The following COL5A2 variants were observed in gnomAD, a reference collection of about 807,000 sequenced individuals.
The protein encoded by COL5A2 is collagen type V alpha 2 chain.
A neutral mutation model predicts 208.2 loss-of-function variants in COL5A2; 23 were observed. The observed-to-expected ratio is 0.11, with a 90% CI of 0.08 to 0.16. The LOEUF is 0.16. Among genes scored for constraint, COL5A2 ranks in the 10% least tolerant of loss-of-function variants. The pLI is 1.00. For missense variants in COL5A2, 1,590 were observed against 1,956.4 expected, an observed-to-expected ratio of 0.81 and a Z score of 3.53; for synonymous variants, 625 against 628.5, an observed-to-expected ratio of 0.99 and a Z score of 0.08.
At position 189,081,054 on chromosome 2, in the gene COL5A2, A is replaced by C; in HGVS notation, c.853-11T>G. The C allele has an allele frequency of 6.2e-7, 1 of 1,612,572 alleles. No individual in the cohort carries two copies. Among genetic ancestry groups the C allele is most frequent in the Non-Finnish European group, 8.5e-7 (1 of 1,178,726 alleles). On this transcript the variant is annotated splice_polypyrimidine_tract_variant and intron_variant, in intron 12 of 53. Coordinates refer to ENST00000374866, the MANE Select transcript of COL5A2 (RefSeq NM_000393.5). ...AAATCCACGAGCTCCCTGGGAGGAA[A>C]ACATAGATAGGGCATTTTACAGTCA...
At chr2:189,300,589 G>A in the COL5A2 span, among the ~76,000 whole-genome samples, 185 of 152,346 alleles carry the variant, frequency 1.2e-3, 3 homozygotes, top group South Asian at 0.037. Context: ...ATCTTCCTGA[G>A]GGAGGAGAAA....
chr2:189,178,602 T>C (rs1688722427), intron 1 of COL5A2, among the ~76,000 whole-genome samples: 1 of 151,340 alleles, frequency 6.6e-6, no homozygotes, highest in Admixed American at 6.6e-5. Flanking sequence ...TATTTTCTTA[T>C]ATACTACAAC....
chr2:189,082,905 C>A (rs563625948), intron 12 of COL5A2, among the ~76,000 whole-genome samples: 1 of 152,198 alleles, frequency 6.6e-6, no homozygotes, highest in African/African-American at 2.4e-5. Flanking sequence ...CCAGGCTGAT[C>A]GAGGAGGAAA....
chr2:189,297,972 T>G, the COL5A2 span, among the ~76,000 whole-genome samples: 2 of 152,204 alleles, frequency 1.3e-5, no homozygotes, highest in Non-Finnish European at 2.9e-5. Context: ...TAGTAACTTT[T>G]GGTTATTAAA....
the COL5A2 span, among the ~76,000 whole-genome samples, chr2:189,404,162 G>A: frequency 2.0e-5 from 3 of 152,298 alleles, no homozygotes; most frequent in East Asian, 5.8e-4. Context: ...CTGAGCTAAG[G>A]AATGCCCAGA....
chr2:189,301,119 A>G, the COL5A2 span, among the ~76,000 whole-genome samples: 5 of 152,020 alleles, frequency 3.3e-5, no homozygotes, highest in Admixed American at 2.6e-4. Flanking sequence ...CCCAGGAAGT[A>G]GAGGCTGCAG....
At chr2:189,369,299 A>G in the COL5A2 span, among the ~76,000 whole-genome samples, 4 of 152,176 alleles carry the variant, frequency 2.6e-5, no homozygotes, top group Admixed American at 2.0e-4. Context: ...CCCTCCAACA[A>G]TCTTAAAGTA....
At chr2:189,227,182 A>G (rs911707069), upstream of COL5A2, among the ~76,000 whole-genome samples, 5 of 152,092 alleles carry the variant, frequency 3.3e-5, no homozygotes, top group African/African-American at 9.7e-5. Flanking sequence ...ATATCCAGAC[A>G]CCAACACAAA....
At chr2:189,041,787 T>G in intron 49 of COL5A2, 94 bp from the exon 50 acceptor site, 1 of 747,844 alleles carries the variant, frequency 1.3e-6, no homozygotes, top group South Asian at 1.5e-5. Flanking sequence ...TATGGAGCTG[T>G]AACAGTGATT....
intron 3 of COL5A2, among the ~76,000 whole-genome samples, chr2:189,100,929 TA>T (rs1473889947): frequency 6.6e-6 from 1 of 152,040 alleles, no homozygotes; most frequent in East Asian, 1.9e-4. Context: ...ATCAGGTACA[TA>T]GATTAAATAA....
the COL5A2 span, among the ~76,000 whole-genome samples, chr2:189,361,211 A>C: frequency 2.0e-5 from 3 of 152,186 alleles, no homozygotes; most frequent in South Asian, 6.2e-4. Flanking sequence ...AGGATGTCAA[A>C]ATCCCCTACT....
At chr2:189,364,674 ACT>A in the COL5A2 span, among the ~76,000 whole-genome samples, 1 of 151,378 alleles carries the variant, frequency 6.6e-6, no homozygotes. Context: ...ACAGAGCAAG[ACT>A]CTGTCTCAGA....
intron 1 of COL5A2, among the ~76,000 whole-genome samples, chr2:189,143,430 C>T (rs1489054747): frequency 6.6e-6 from 1 of 152,110 alleles, no homozygotes; most frequent in African/African-American, 2.4e-5. Context: ...GTATAAAGGC[C>T]TACTCTAACC....
the COL5A2 span, among the ~76,000 whole-genome samples, chr2:189,404,441 G>A: frequency 3.9e-5 from 6 of 152,120 alleles, no homozygotes; most frequent in Admixed American, 2.0e-4. Flanking sequence ...ATCAGAAGCT[G>A]CCCACCTCTA....
chr2:189,098,980 C>A (rs1686993081), intron 4 of COL5A2, among the ~76,000 whole-genome samples: 1 of 152,142 alleles, frequency 6.6e-6, no homozygotes, highest in Admixed American at 6.5e-5. Context: ...AGAGCACCAA[C>A]ACTGGAGCCA....
chr2:189,168,182 G>T (rs943678257), intron 1 of COL5A2, among the ~76,000 whole-genome samples: 2 of 150,182 alleles, frequency 1.3e-5, no homozygotes, highest in African/African-American at 4.9e-5. Flanking sequence ...TTCGTGATCC[G>T]CCCGTCTTGG....
chr2:189,411,780 T>C, the COL5A2 span, among the ~76,000 whole-genome samples: 1 of 151,834 alleles, frequency 6.6e-6, no homozygotes, highest in African/African-American at 2.4e-5. Context: ...AGCTTTCTAA[T>C]TAAAAAACAG....
At chr2:189,370,012 G>A in the COL5A2 span, among the ~76,000 whole-genome samples, 2 of 152,280 alleles carry the variant, frequency 1.3e-5, no homozygotes, top group South Asian at 4.1e-4. Flanking sequence ...CTGTATGCCA[G>A]GCATTGTTCT....
intron 1 of COL5A2, among the ~76,000 whole-genome samples, chr2:189,122,590 T>TG (rs1265726253): frequency 6.6e-6 from 1 of 152,212 alleles, no homozygotes; most frequent in Non-Finnish European, 1.5e-5. Context: ...TCCGTACACC[T>TG]GGCAAATACC....
Sources: allele counts gnomAD v4.1 joint callset (sites outside exome capture counted in the v4.1 genomes callset), GRCh38; gene constraint gnomAD v4.1.1; transcripts MANE v1.5; gene names NCBI Gene and HGNC (gene_info 2026-07-23, HGNC 2026-07-21).